PLEKHG5: variants seen among roughly 807,000 people sequenced by gnomAD.
The protein encoded by PLEKHG5 is pleckstrin homology and RhoGEF domain containing G5, also known as pleckstrin homology domain-containing family G member 5.
A neutral mutation model predicts 103.8 loss-of-function variants in PLEKHG5; 52 were observed. The observed-to-expected ratio is 0.50, with a 90% CI of 0.40 to 0.63. The LOEUF is 0.63. PLEKHG5 is among the 30% of genes least tolerant of loss of function. PLEKHG5 has a pLI of 0.00. For missense variants in PLEKHG5, 1,205 were observed against 1,347.6 expected (o/e 0.89, Z 1.66); for synonymous variants, 592 against 575.5 (o/e 1.03, Z -0.41).
chr1:6,504,572 CT>C (rs200327321), intron 1 of PLEKHG5, among the ~76,000 whole-genome samples: 3,384 of 136,392 alleles, frequency 0.025, 123 homozygotes, highest in African/African-American at 0.088. Context: ...CTTTTTTTTT[CT>C]TTTTTTTTTT....
intron 1 of PLEKHG5, among the ~76,000 whole-genome samples, chr1:6,478,840 C>T (rs1158663533): frequency 6.6e-6 from 1 of 152,116 alleles, no homozygotes; most frequent in Non-Finnish European, 1.5e-5. Flanking sequence ...GACGGAGTTT[C>T]ACCATGTTGG....
chr1:6,472,283 G>A (rs191091039), intron 10 of PLEKHG5, among the ~76,000 whole-genome samples: 4 of 152,254 alleles, frequency 2.6e-5, no homozygotes, highest in Admixed American at 2.6e-4. Context: ...AACAGCCACT[G>A]AACGAAAGTG....
At chr1:6,495,355 G>C (rs1645209092), upstream of PLEKHG5, among the ~76,000 whole-genome samples, 1 of 152,186 alleles carries the variant, frequency 6.6e-6, no homozygotes. Flanking sequence ...AGTTCTCCCT[G>C]TTCCCTCACC....
Position 6,489,723 on chromosome 1 carries a change from A to T in PLEKHG5, c.-88+1914T>A, listed in dbSNP as rs560971800. Among the ~76,000 whole-genome samples, 5 of 152,250 alleles carry T rather than the reference A, an allele frequency of 3.3e-5. No individual in the cohort carries two copies. In the South Asian group the frequency reaches 1.0e-3, roughly 32 times the overall value. ...CTTCAGAAGACCTGGTCTGGAGCCTACGTTCCCCCACCCTTCCCCTACTGG... is the reference window on the plus strand; with the variant it reads ...CTTCAGAAGACCTGGTCTGGAGCCTTCGTTCCCCCACCCTTCCCCTACTGG... On this transcript the variant is annotated intron_variant, in intron 1 of 20. Transcript: ENST00000377728.
rs886504521 is a variant in PLEKHG5, at chr1:6,474,260, G to C, written c.440-96C>G. 5 of 1,482,690 alleles carry C rather than the reference G, an allele frequency of 3.4e-6. No individual in the cohort carries two copies. In the East Asian group the frequency reaches 1.2e-4, roughly 36 times the overall value. The allele number at this position is 1,482,690 out of a possible 1,614,324, so 91.8% of individuals were successfully genotyped here. On this transcript the variant is annotated intron_variant, in intron 6 of 20. Coordinates refer to ENST00000377728, the MANE Select transcript of PLEKHG5 (RefSeq NM_020631.6). ...CCCCGGAGGATCCACACCAAGGCCT[G>C]CCTGCCCTCCCCCGACAGCCCCGCC...
In PLEKHG5 at chr1:6,473,338, G is replaced by A. The variant is rs1644654696; in HGVS notation, c.708C>T (p.Thr236=). 1.3e-6 allele frequency: 2 copies of A among 1,556,832 alleles called. No individual in the cohort carries two copies. Among genetic ancestry groups the A allele is most frequent in the Non-Finnish European group, 1.7e-6 (2 of 1,151,196 alleles). Residue 236 remains threonine, a synonymous_variant, in exon 8 of 21, where the codon ACC becomes ACT. Transcript: ENST00000377728. ...CSLPSGSSGS[T]NTGDSWKNRA... ...GGTTCTTCCAGCTGTCGCCAGTGTT[G>A]GTGCTGCCACTGCTGCCGCTGGGCA...
At chr1:6,485,386 GC>G (rs1232078188) in intron 1 of PLEKHG5, 2 of 1,398,524 alleles carry the variant, frequency 1.4e-6, no homozygotes, top group South Asian at 1.6e-5. Flanking sequence ...CGGAGGGGCA[GC>G]CCCGGGCCCG....
intron 1 of PLEKHG5, among the ~76,000 whole-genome samples, chr1:6,480,512 A>C (rs1186142690): frequency 6.8e-6 from 1 of 147,534 alleles, no homozygotes; most frequent in African/African-American, 2.6e-5. Flanking sequence ...TGAGTGACAG[A>C]GCGAGACTTT....
upstream of PLEKHG5, among the ~76,000 whole-genome samples, chr1:6,500,827 C>G (rs938872696): frequency 6.6e-6 from 1 of 152,194 alleles, no homozygotes; most frequent in South Asian, 2.1e-4. Context: ...CTGGCTCCCC[C>G]ACCTCCCGTC....
chr1:6,497,325 G>A, upstream of PLEKHG5: 1 of 1,044,028 alleles, frequency 9.6e-7, no homozygotes, highest in Non-Finnish European at 1.3e-6. The surrounding 1 kb of genome is among the most constrained non-coding windows in gnomAD (Gnocchi z 6.1). Flanking sequence ...CTCACCCATG[G>A]AGCAGGCCCC....
At position 6,467,434 on chromosome 1, in the gene PLEKHG5, G is replaced by T; in HGVS notation, c.*129C>A. On this transcript the variant is annotated 3_prime_UTR_variant, in exon 21 of 21. Transcript: ENST00000377728. ...AAGCGCAAATCGGGCCCGGGCGTAG[G>T]CAGGGATCCTGCCCAGCATCCGGCT... The T allele has an allele frequency of 2.0e-6, 2 of 996,682 alleles. No homozygotes were observed. Among genetic ancestry groups the T allele is most frequent in the Non-Finnish European group, 3.2e-6 (2 of 621,006 alleles). The allele number at this position is 996,682 out of a possible 1,614,324, so 61.7% of individuals were successfully genotyped here. A position where few individuals can be genotyped will look rare whatever the true frequency, so the allele number is the denominator to read the frequency against.
chr1:6,474,689 GC>G, intron 5 of PLEKHG5, 102 bp from the exon 6 acceptor site: 2 of 1,116,376 alleles, frequency 1.8e-6, no homozygotes, highest in Non-Finnish European at 1.2e-6. Context: ...AGCCCCAGCT[GC>G]CCCCACCTTC....
chr1:6,476,335 C>T (rs550522129), intron 2 of PLEKHG5, among the ~76,000 whole-genome samples: 17 of 152,308 alleles, frequency 1.1e-4, no homozygotes, highest in African/African-American at 2.9e-4. Context: ...GGATTGCAGG[C>T]GTGTGCCACC....
chr1:6,496,749 T>C, upstream of PLEKHG5: 2 of 557,392 alleles, frequency 3.6e-6, no homozygotes, highest in Non-Finnish European at 3.1e-6. Context: ...TGCAGAGCCC[T>C]TTTCTCCTGC....
upstream of PLEKHG5, among the ~76,000 whole-genome samples, chr1:6,494,818 G>A (rs1053578825): frequency 1.3e-5 from 2 of 152,190 alleles, no homozygotes; most frequent in Non-Finnish European, 2.9e-5. Context: ...CCCAAAGGGC[G>A]TCCCAGTAGT....
intron 1 of PLEKHG5, among the ~76,000 whole-genome samples, chr1:6,507,058 C>T (rs1001983796): frequency 7.2e-5 from 11 of 152,174 alleles, no homozygotes; most frequent in South Asian, 2.1e-4. Flanking sequence ...AGCGGACAGG[C>T]GGGGAAATGA....
At chr1:6,497,355 C>T (rs948129158), upstream of PLEKHG5, 8 of 1,076,894 alleles carry the variant, frequency 7.4e-6, no homozygotes, top group Admixed American at 2.3e-4. This position sits in a 1 kb window ranked among gnomAD's most constrained non-coding sequence, Gnocchi z 6.1. Context: ...GGGGGGCGGG[C>T]GGCGGGCGGG....
At chr1:6,469,766 T>C in intron 16 of PLEKHG5, 90 bp from the exon 17 acceptor site, 1 of 1,261,654 alleles carries the variant, frequency 7.9e-7, no homozygotes, top group Non-Finnish European at 1.1e-6. Context: ...GCACTCGGTT[T>C]TTGTCAAACA....
upstream of PLEKHG5, among the ~76,000 whole-genome samples, chr1:6,495,387 A>AGT (rs1476442188): frequency 6.6e-6 from 1 of 150,470 alleles, no homozygotes; most frequent in Non-Finnish European, 1.5e-5. Flanking sequence ...GTGCAGAACG[A>AGT]GTGTGTGTGT....
Sources: allele counts gnomAD v4.1 joint callset (sites outside exome capture counted in the v4.1 genomes callset), GRCh38; gene constraint gnomAD v4.1.1; non-coding constraint Gnocchi (gnomAD v3.1); transcripts MANE v1.5; gene names NCBI Gene and HGNC (gene_info 2026-07-23, HGNC 2026-07-21).